Variants in FAT3 observed in about 807,000 individuals in gnomAD.
FAT3 encodes the protein protocadherin Fat 3.
Under a neutral mutation model 310.2 loss-of-function variants are expected in FAT3, and 95 were observed. The observed-to-expected ratio is 0.31, with a 90% CI of 0.26 to 0.36. The LOEUF is 0.36. Among genes scored for constraint, FAT3 ranks in the 10% least tolerant of loss-of-function variants. The pLI is 1.00. For missense variants in FAT3, 5,408 were observed against 5,715.6 expected (o/e 0.95, Z 1.74); for synonymous variants, 2,314 against 2,192.9 (o/e 1.06, Z -1.54).
chr11:92,666,660 T>G (rs1591584452), intron 3 of FAT3, among the ~76,000 whole-genome samples: 1 of 151,946 alleles, frequency 6.6e-6, no homozygotes, highest in Non-Finnish European at 1.5e-5. Flanking sequence ...GTGCCCAGCA[T>G]TGAAGGACAT....
chr11:92,602,450 G>A (rs1940074425), intron 3 of FAT3, among the ~76,000 whole-genome samples: 1 of 152,088 alleles, frequency 6.6e-6, no homozygotes, highest in Non-Finnish European at 1.5e-5. Flanking sequence ...TTTGCTGATG[G>A]GGAGACAGGA....
chr11:92,728,037 G>A (rs1945052272), intron 4 of FAT3, among the ~76,000 whole-genome samples: 1 of 152,128 alleles, frequency 6.6e-6, no homozygotes, highest in Non-Finnish European at 1.5e-5. Context: ...GAACAACTGG[G>A]TCTCTGACAC....
intron 3 of FAT3, among the ~76,000 whole-genome samples, chr11:92,550,972 C>A (rs1408107715): frequency 2.0e-5 from 3 of 151,748 alleles, no homozygotes; most frequent in African/African-American, 7.3e-5. Flanking sequence ...TTATTGATAT[C>A]ACCTTGAAAT....
At chr11:92,846,864 A>G (rs1159143744) in intron 19 of FAT3, among the ~76,000 whole-genome samples, 1 of 152,190 alleles carries the variant, frequency 6.6e-6, no homozygotes, top group Non-Finnish European at 1.5e-5. Flanking sequence ...TCACTCTTAT[A>G]ATTAAGCTAT....
At position 92,831,955 on chromosome 11, in the gene FAT3, C is replaced by T. The variant is rs945931000; in HGVS notation, c.9815C>T (p.Thr3272Ile). Residue 3272 changes from threonine to isoleucine, a missense_variant, in exon 14 of 28, where the codon ACT (threonine) becomes ATT (isoleucine). Physicochemically the swap from Thr to Ile is moderately conservative, Grantham distance 89. This residue lies in a region of FAT3 where 4,588 missense variants were observed against 4,809.8 expected (regional missense o/e 0.95). Coordinates refer to ENST00000525166, the MANE Select transcript of FAT3 (RefSeq NM_001367949.2). ...SKDIGTNAEI[T>I]YLIRSGNEQG... is the part of the protein sequence containing the mutation. ...GATATTGGCACAAATGCTGAGATCACTTATCTCATCCGGTCTGGGAACGAA... is the reference window on the plus strand; with the variant it reads ...GATATTGGCACAAATGCTGAGATCATTTATCTCATCCGGTCTGGGAACGAA... 6 of 1,583,750 alleles carry T rather than the reference C, an allele frequency of 3.8e-6. No individual in the cohort carries two copies. The highest frequency in any genetic ancestry group is 5.2e-6 in the Non-Finnish European group (6 of 1,164,290).
intron 14 of FAT3, among the ~76,000 whole-genome samples, chr11:92,832,901 G>T (rs890079943): frequency 6.6e-6 from 1 of 152,070 alleles, no homozygotes; most frequent in African/African-American, 2.4e-5. Context: ...AGCTGGAACT[G>T]GTGCTCTGTT....
chr11:92,409,557 C>T (rs1950206100), intron 2 of FAT3, among the ~76,000 whole-genome samples: 1 of 152,050 alleles, frequency 6.6e-6, no homozygotes, highest in Non-Finnish European at 1.5e-5. Flanking sequence ...GAGCACTTGT[C>T]AGTTGGTGCT....
At chr11:92,707,386 C>T (rs1944388024) in intron 4 of FAT3, among the ~76,000 whole-genome samples, 1 of 152,302 alleles carries the variant, frequency 6.6e-6, no homozygotes, top group South Asian at 2.1e-4. Context: ...TTTGTTTTCA[C>T]TTGTGGATGG....
chr11:92,658,052 A>G (rs1942643167), intron 3 of FAT3, among the ~76,000 whole-genome samples: 1 of 152,234 alleles, frequency 6.6e-6, no homozygotes, highest in African/African-American at 2.4e-5. Context: ...TACAGGAAAC[A>G]TTATAATTTT....
intron 3 of FAT3, among the ~76,000 whole-genome samples, chr11:92,563,840 A>G (rs564922145): frequency 6.6e-6 from 1 of 152,292 alleles, no homozygotes; most frequent in South Asian, 2.1e-4. Flanking sequence ...CAATGCTGAG[A>G]GATTTTGTCA....
intron 3 of FAT3, among the ~76,000 whole-genome samples, chr11:92,595,294 G>A (rs948051510): frequency 2.8e-4 from 43 of 152,222 alleles, no homozygotes; most frequent in African/African-American, 9.6e-4. Context: ...GCTTCTCAGA[G>A]AGTCCTCCCC....
intron 4 of FAT3, among the ~76,000 whole-genome samples, chr11:92,734,744 A>G (rs1189691467): frequency 6.6e-6 from 1 of 152,160 alleles, no homozygotes; most frequent in Non-Finnish European, 1.5e-5. Flanking sequence ...TGTGTGTAAC[A>G]AAACCAGACA....
intron 3 of FAT3, among the ~76,000 whole-genome samples, chr11:92,526,882 A>T (rs1367058225): frequency 6.6e-6 from 1 of 152,216 alleles, no homozygotes; most frequent in Non-Finnish European, 1.5e-5. Context: ...TTCCAGACAC[A>T]TGATAAGAAA....
In FAT3 at chr11:92,799,510, C is replaced by G; in HGVS notation, c.6497C>G (p.Pro2166Arg). ...ATCCTAGCCAAGGATGGCGGAAAAC[C>G]TTCTTTGTCTACATCTGTGGAGCTT... is the stretch of plus-strand genomic sequence containing the variant. ...VTILAKDGGK[P>R]SLSTSVELPI... The change falls in exon 10 of 28, where the codon CCT (proline) becomes CGT (arginine). Residue 2166 changes from proline (P) to arginine (R), a missense_variant. Around this residue, in one of 5 missense-constraint regions of FAT3, gnomAD observed 4,588 missense variants for 4,809.8 expected, o/e 0.95. Transcript: ENST00000525166. 1 of 1,613,654 alleles carries G rather than the reference C, an allele frequency of 6.2e-7. No homozygotes were observed. The highest frequency in any genetic ancestry group is 1.3e-5 in the African/African-American group (1 of 75,006).
chr11:92,353,038 T>C lies in FAT3; in HGVS notation c.926T>C (p.Leu309Ser). 2 of 1,613,696 alleles carry C rather than the reference T, an allele frequency of 1.2e-6. No individual in the cohort carries two copies. The highest frequency in any genetic ancestry group is 1.1e-5 in the South Asian group (1 of 91,078). ...GTTTCCATTGTGGCTGGGGATCCTT[T>C]AGATCAGTTCTTCCTGGCTAAGGAA... ...ESVSIVAGDP[L>S]DQFFLAKEGK... The change falls in exon 2 of 28, where the codon TTA becomes TCA. Residue 309 changes from leucine to serine, a missense_variant. Around this residue, in one of 5 missense-constraint regions of FAT3, gnomAD observed 4,588 missense variants for 4,809.8 expected, o/e 0.95. Coordinates refer to ENST00000525166, the MANE Select transcript of FAT3 (RefSeq NM_001367949.2).
At chr11:92,509,147 G>T (rs936549455) in intron 2 of FAT3, among the ~76,000 whole-genome samples, 1 of 152,078 alleles carries the variant, frequency 6.6e-6, no homozygotes, top group Non-Finnish European at 1.5e-5. Context: ...TATGAAATCA[G>T]TTATTATCTC....
chr11:92,262,410 A>C (rs2134310019), intron 1 of FAT3, among the ~76,000 whole-genome samples: 1 of 152,210 alleles, frequency 6.6e-6, no homozygotes, highest in Non-Finnish European at 1.5e-5. Flanking sequence ...GAGTTATTTG[A>C]CATATCAAGC....
At chr11:92,706,071 G>A (rs981104842) in intron 4 of FAT3, among the ~76,000 whole-genome samples, 4 of 151,180 alleles carry the variant, frequency 2.6e-5, no homozygotes, top group African/African-American at 7.3e-5. Context: ...TGGTAGTGAC[G>A]ACTGTGATGG....
intron 3 of FAT3, among the ~76,000 whole-genome samples, chr11:92,585,768 C>A (rs1047500952): frequency 1.3e-5 from 2 of 151,858 alleles, no homozygotes; most frequent in African/African-American, 2.4e-5. Context: ...TCTGCTATTT[C>A]TTTTCTCCTT....
Sources: allele counts gnomAD v4.1 joint callset (sites outside exome capture counted in the v4.1 genomes callset), GRCh38; gene constraint gnomAD v4.1.1; regional missense constraint gnomAD v4.1.1; transcripts MANE v1.5; gene names NCBI Gene and HGNC (gene_info 2026-07-23, HGNC 2026-07-21).